Variants in CDH9 observed in about 807,000 individuals in gnomAD.
CDH9 encodes the protein cadherin 9.
CDH9 carries 28 observed loss-of-function variants against 70.9 expected under a neutral mutation model. The observed-to-expected ratio is 0.40, with a 90% CI of 0.29 to 0.54. The LOEUF is 0.54. Ranked by LOEUF, CDH9 falls within the 20% of genes least tolerant of loss-of-function variation. The pLI, the probability that CDH9 is intolerant of heterozygous loss-of-function variation, is 0.59. For synonymous variants in CDH9, 409 were observed against 343.1 expected (o/e 1.19, Z -2.12); for missense variants, 874 against 984.4 (o/e 0.89, Z 1.50).
At chr5:26,882,163 A>G (rs1740479132) in intron 11 of CDH9, among the ~76,000 whole-genome samples, 1 of 152,064 alleles carries the variant, frequency 6.6e-6, no homozygotes, top group South Asian at 2.1e-4. Flanking sequence ...CACTTCCCGT[A>G]TCTCATAGGT....
chr5:27,036,464 T>C (rs374625490), intron 1 of CDH9, among the ~76,000 whole-genome samples: 1 of 151,952 alleles, frequency 6.6e-6, no homozygotes, highest in Non-Finnish European at 1.5e-5. Context: ...ATTTCCTTCA[T>C]GCAATGAATG....
chr5:26,888,113 A>G (rs1405583092), intron 9 of CDH9, among the ~76,000 whole-genome samples: 1 of 152,298 alleles, frequency 6.6e-6, no homozygotes, highest in East Asian at 1.9e-4. Context: ...GTTTGGCCTT[A>G]ATGATTTTAA....
At chr5:27,006,614 C>T (rs1349465845) in intron 1 of CDH9, among the ~76,000 whole-genome samples, 1 of 152,120 alleles carries the variant, frequency 6.6e-6, no homozygotes, top group South Asian at 2.1e-4. Flanking sequence ...GTTGAGAATT[C>T]CTGCTTTAGT....
At position 26,883,080 on chromosome 5, in the gene CDH9, T is replaced by G. The variant is rs1288741001; in HGVS notation, c.1883-1457A>C. On this transcript the variant is annotated intron_variant, in intron 11 of 11. Transcript: ENST00000231021. ...ATATATATATATATATATATATATA[T>G]ATATATATATATATAAAACTGCAGT... is the stretch of plus-strand genomic sequence containing the variant. Among the ~76,000 whole-genome samples the G allele has an allele frequency of 2.6e-4, 33 of 127,556 alleles. No homozygotes were observed. In the South Asian group the frequency reaches 5.5e-3, roughly 21 times the overall value. 83.7% of individuals were successfully genotyped at this position (127,556 alleles called of 152,430 possible). A position where few individuals can be genotyped will look rare whatever the true frequency, so the allele number is the denominator to read the frequency against.
intron 1 of CDH9, among the ~76,000 whole-genome samples, chr5:27,037,743 T>G (rs957294797): frequency 6.6e-6 from 1 of 151,984 alleles, no homozygotes; most frequent in Non-Finnish European, 1.5e-5. Flanking sequence ...CCCTTTCTTG[T>G]GGCTTTCATC....
In CDH9 at chr5:27,034,526, CT is replaced by C. The variant is rs1743359570; in HGVS notation, c.-50+3936del. Among the ~76,000 whole-genome samples, 3 of 151,670 alleles carry C rather than the reference CT, an allele frequency of 2.0e-5. No homozygotes were observed. The East Asian group carries it at 5.8e-4, about 29-fold the overall frequency. On this transcript the variant is annotated intron_variant, in intron 1 of 11. Transcript: ENST00000231021. Reference sequence around the variant, plus strand: ...TTTTAAGAAAATATTCAGCTCTTTACTTTTTTTACTTTTATTCCTAAAATAT... The same window carrying C: ...TTTTAAGAAAATATTCAGCTCTTTACTTTTTTACTTTTATTCCTAAAATAT...
At chr5:26,995,979 ATGTC>A (rs1459202168) in intron 1 of CDH9, among the ~76,000 whole-genome samples, 1 of 151,964 alleles carries the variant, frequency 6.6e-6, no homozygotes, top group Non-Finnish European at 1.5e-5. Flanking sequence ...TTTGAGAAAA[ATGTC>A]TGCTATTAAA....
At chr5:26,947,377 G>A (rs955811729) in intron 2 of CDH9, among the ~76,000 whole-genome samples, 5 of 152,112 alleles carry the variant, frequency 3.3e-5, no homozygotes, top group Non-Finnish European at 7.4e-5. Context: ...GGTGGCCCAA[G>A]CAGTCCCACA....
chr5:26,956,364 C>T (rs549371430), intron 2 of CDH9, among the ~76,000 whole-genome samples: 16 of 152,164 alleles, frequency 1.1e-4, no homozygotes, highest in African/African-American at 3.6e-4. Context: ...TTGTAAATTG[C>T]CCAGTCTCTG....
At chr5:26,901,723 A>C (rs774423761) in intron 7 of CDH9, among the ~76,000 whole-genome samples, 4 of 151,834 alleles carry the variant, frequency 2.6e-5, no homozygotes, top group Non-Finnish European at 5.9e-5. Context: ...GCATTAATCT[A>C]TATATGCCCC....
intron 1 of CDH9, among the ~76,000 whole-genome samples, chr5:27,012,364 T>C (rs1474629822): frequency 1.3e-5 from 2 of 151,984 alleles, no homozygotes; most frequent in African/African-American, 4.8e-5. Context: ...GGATTTTATC[T>C]AAATAATCTA....
chr5:26,923,344 G>A (rs1458081749), intron 2 of CDH9, among the ~76,000 whole-genome samples: 4 of 151,674 alleles, frequency 2.6e-5, no homozygotes, highest in Non-Finnish European at 4.4e-5. Context: ...TATAATAAAG[G>A]AGTCAATTCA....
chr5:27,029,347 T>C (rs1427991567), intron 1 of CDH9, among the ~76,000 whole-genome samples: 3 of 151,994 alleles, frequency 2.0e-5, no homozygotes, highest in Non-Finnish European at 4.4e-5. Flanking sequence ...ATGTGGGATG[T>C]TTATACTGAA....
At chr5:26,978,505 T>G (rs181144722) in intron 2 of CDH9, among the ~76,000 whole-genome samples, 2 of 151,934 alleles carry the variant, frequency 1.3e-5, no homozygotes, top group East Asian at 3.9e-4. Flanking sequence ...AGTTTCCAAC[T>G]ATGGGATGAT....
intron 2 of CDH9, among the ~76,000 whole-genome samples, chr5:26,943,899 C>T (rs1342919071): frequency 6.6e-6 from 1 of 152,150 alleles, no homozygotes; most frequent in Non-Finnish European, 1.5e-5. Context: ...TATTATATAA[C>T]ATACATTCAA....
chr5:26,917,084 A>G (rs1741163241), intron 2 of CDH9, among the ~76,000 whole-genome samples: 1 of 151,946 alleles, frequency 6.6e-6, no homozygotes, highest in African/African-American at 2.4e-5. Flanking sequence ...AACCTTAAAG[A>G]TTTTACAATC....
intron 2 of CDH9, among the ~76,000 whole-genome samples, chr5:26,940,121 C>G (rs1483935247): frequency 6.6e-6 from 1 of 151,104 alleles, no homozygotes; most frequent in African/African-American, 2.4e-5. Context: ...CAAGATTGTG[C>G]CACTGCATAC....
intron 2 of CDH9, among the ~76,000 whole-genome samples, chr5:26,946,765 C>T (rs1227972793): frequency 1.3e-5 from 2 of 152,156 alleles, no homozygotes; most frequent in Non-Finnish European, 2.9e-5. Context: ...GGAAGATGTC[C>T]TATTTACTCA....
chr5:26,886,042 G>A lies in CDH9; in HGVS notation c.1554C>T (p.Pro518=). The change falls in exon 10 of 12, where the codon CCC becomes CCT. Residue 518 remains proline, a synonymous_variant. Transcript: ENST00000231021. The stretch of plus-strand genomic sequence containing the variant: ...GTTCAAAAAAGAATTTGTGACCTCG[G>A]GGAGGGTCATCCTTATCCATGACAC... ...TVSVMDKDDP[P]RGHKFFFEPV... is the part of the protein sequence containing the mutation. 1 of 1,611,294 alleles carries A rather than the reference G, an allele frequency of 6.2e-7. No individual in the cohort carries two copies. Among genetic ancestry groups the A allele is most frequent in the African/African-American group, 1.3e-5 (1 of 74,836 alleles).
Sources: allele counts gnomAD v4.1 joint callset (sites outside exome capture counted in the v4.1 genomes callset), GRCh38; gene constraint gnomAD v4.1.1; transcripts MANE v1.5; gene names NCBI Gene and HGNC (gene_info 2026-07-23, HGNC 2026-07-21).